The following TAMM41 variants were observed in gnomAD, a reference collection of about 807,000 sequenced individuals.
TAMM41 encodes TAM41 mitochondrial translocator assembly and maintenance homolog, also known as phosphatidate cytidylyltransferase, mitochondrial.
In TAMM41, 36 loss-of-function variants were observed where a neutral mutation model predicts 44.1. That is an observed-to-expected ratio of 0.82 (90% CI 0.63 to 1.08). The LOEUF (loss-of-function observed/expected upper bound fraction) is 1.08. Ranked by LOEUF, TAMM41 falls within the 50% of genes least tolerant of loss-of-function variation. The pLI, the probability that TAMM41 is intolerant of heterozygous loss-of-function variation, is 0.00. For synonymous variants in TAMM41, 164 were observed against 153.1 expected (o/e 1.07, Z -0.53); for missense variants, 417 against 404.3 (o/e 1.03, Z -0.27).
At chr3:11,809,081 G>A in intron 6 of TAMM41, 1 of 230,868 alleles carries the variant, frequency 4.3e-6, no homozygotes, top group Non-Finnish European at 8.3e-6. Context: ...TGGAACGTGG[G>A]CCATGTCTGA....
chr3:11,825,956 T>C (rs1044559473), intron 4 of TAMM41, among the ~76,000 whole-genome samples: 1 of 152,184 alleles, frequency 6.6e-6, no homozygotes, highest in Non-Finnish European at 1.5e-5. Context: ...ACAAGTTTTA[T>C]AATTTTTATA....
the TAMM41 span, among the ~76,000 whole-genome samples, chr3:11,722,366 TG>T: frequency 2.0e-5 from 3 of 147,912 alleles, no homozygotes; most frequent in East Asian, 6.0e-4. Context: ...CTCAAGTTAC[TG>T]TAAGAAAAAG....
the TAMM41 span, among the ~76,000 whole-genome samples, chr3:11,751,506 C>G: frequency 1.2e-3 from 188 of 152,330 alleles, 1 homozygote; most frequent in African/African-American, 4.4e-3. Context: ...TGTGTCCAGT[C>G]AGAGCCTGCC....
chr3:11,789,087 T>TGA (rs2124904954), downstream of TAMM41, among the ~76,000 whole-genome samples: 2 of 152,280 alleles, frequency 1.3e-5, no homozygotes, highest in East Asian at 3.9e-4. Flanking sequence ...TCTACAGGGG[T>TGA]GAGTGCACAG....
At position 11,809,574 on chromosome 3, in the gene TAMM41, C is replaced by T. The variant is rs781114952; in HGVS notation, c.817G>A (p.Glu273Lys). Residue 273 changes from glutamate (E) to lysine (K), a missense_variant, in exon 6 of 8, where the codon GAA (glutamate) becomes AAA (lysine). By Grantham distance (56) the Glu-to-Lys change is moderately conservative. Coordinates refer to ENST00000455809, the MANE Select transcript of TAMM41 (RefSeq NM_001284401.2). ...MDPPGKNRDV[E>K]ETLFQVAHDP... ...TGAGCCACTTGGAATAAAGTTTCTT[C>T]CACATCTCTGTTTTTTCCAGGAGGG... The T allele has an allele frequency of 1.3e-5, 21 of 1,614,126 alleles. No homozygotes were observed. The highest frequency in any genetic ancestry group is 1.7e-5 in the Non-Finnish European group (20 of 1,180,022).
chr3:11,830,221 C>A (rs2078927280), intron 3 of TAMM41, among the ~76,000 whole-genome samples: 1 of 152,186 alleles, frequency 6.6e-6, no homozygotes, highest in Admixed American at 6.5e-5. Context: ...TCGACAGAGG[C>A]ATTTTACCTC....
At chr3:11,777,034 G>A in the TAMM41 span, among the ~76,000 whole-genome samples, 1 of 152,196 alleles carries the variant, frequency 6.6e-6, no homozygotes, top group African/African-American at 2.4e-5. Flanking sequence ...CAAACATTCA[G>A]TTCTGGGGAT....
the TAMM41 span, among the ~76,000 whole-genome samples, chr3:11,758,760 G>C: frequency 6.6e-6 from 1 of 150,966 alleles, no homozygotes; most frequent in Admixed American, 6.6e-5. Context: ...TGCAACCCCC[G>C]CCTCCCAGGT....
At chr3:11,775,742 G>A in the TAMM41 span, among the ~76,000 whole-genome samples, 4 of 152,194 alleles carry the variant, frequency 2.6e-5, no homozygotes, top group Admixed American at 6.5e-5. Context: ...TCAAGAAAAC[G>A]TGGGGTGTGT....
At chr3:11,821,083 T>C (rs2078500978) in intron 4 of TAMM41, among the ~76,000 whole-genome samples, 1 of 152,176 alleles carries the variant, frequency 6.6e-6, no homozygotes, top group Non-Finnish European at 1.5e-5. Flanking sequence ...CCTTACAAAG[T>C]TGCTTTCAGA....
chr3:11,813,854 G>A (rs555951204), intron 5 of TAMM41, among the ~76,000 whole-genome samples: 2 of 144,680 alleles, frequency 1.4e-5, no homozygotes, highest in Non-Finnish European at 3.0e-5. Context: ...GTGTGTGTGT[G>A]TGTATGTATG....
the TAMM41 span, among the ~76,000 whole-genome samples, chr3:11,750,987 G>A: frequency 2.0e-5 from 3 of 151,744 alleles, no homozygotes; most frequent in Non-Finnish European, 4.4e-5. Flanking sequence ...ATAAGACATC[G>A]TCCAGGGAGC....
intron 4 of TAMM41, among the ~76,000 whole-genome samples, chr3:11,829,062 G>A (rs941333201): frequency 2.0e-4 from 30 of 152,002 alleles, no homozygotes; most frequent in African/African-American, 6.5e-4. Context: ...AGTGGCCAGG[G>A]GCTCTACCCT....
At chr3:11,770,631 G>T in the TAMM41 span, among the ~76,000 whole-genome samples, 1 of 152,166 alleles carries the variant, frequency 6.6e-6, no homozygotes, top group South Asian at 2.1e-4. Context: ...TTGGCTGCTG[G>T]TGACATAATA....
At chr3:11,778,563 G>T in the TAMM41 span, among the ~76,000 whole-genome samples, 2 of 152,276 alleles carry the variant, frequency 1.3e-5, no homozygotes, top group African/African-American at 4.8e-5. Context: ...AGCAGCCCAT[G>T]AGGGCTCCAC....
At chr3:11,764,422 C>G in the TAMM41 span, among the ~76,000 whole-genome samples, 1 of 151,490 alleles carries the variant, frequency 6.6e-6, no homozygotes, top group Middle Eastern at 3.4e-3. Context: ...ACCTTTATCC[C>G]GAAGGCCACA....
Position 11,801,829 on chromosome 3 carries a change from A to G in TAMM41, c.937+6004T>C, listed in dbSNP as rs73132976. ...AACGAAAACTATAACAAGAAAAAAA[A>G]TAACTAAACTCAAAGTTAGCAGAAG... On this transcript the variant is annotated intron_variant, in intron 7 of 7. Coordinates refer to ENST00000455809, the MANE Select transcript of TAMM41 (RefSeq NM_001284401.2). Among the ~76,000 whole-genome samples, 949 of 152,306 alleles carry G rather than the reference A, an allele frequency of 6.2e-3. 7 individuals carry two copies. Among genetic ancestry groups the G allele is most frequent in the Middle Eastern group, 0.034 (10 of 294 alleles).
At chr3:11,846,020 A>C (rs116319184) in intron 1 of TAMM41, among the ~76,000 whole-genome samples, 11,028 of 152,252 alleles carry the variant, frequency 0.072, 518 homozygotes, top group Middle Eastern at 0.13. Context: ...TTTCTCCTAC[A>C]TTTATAGAGG....
chr3:11,839,270 A>C lies in TAMM41; in HGVS notation c.363T>G (p.Asp121Glu). 6.2e-7 allele frequency: 1 copy of C among 1,613,844 alleles called. No homozygotes were observed. The highest frequency in any genetic ancestry group is 8.5e-7 in the Non-Finnish European group (1 of 1,179,856). The change falls in exon 3 of 8, where the codon GAT becomes GAG. Residue 121 changes from aspartate (D) to glutamate (E), a missense_variant. Physicochemically the swap from Asp to Glu is conservative, Grantham distance 45 (BLOSUM62 2). Coordinates refer to ENST00000455809, the MANE Select transcript of TAMM41 (RefSeq NM_001284401.2). ...TGTATAAGTTATTCCAGTTGAGGAGATCTTCAATCAGAACGTTAGTGCTAA... is the reference window on the plus strand; with the variant it reads ...TGTATAAGTTATTCCAGTTGAGGAGCTCTTCAATCAGAACGTTAGTGCTAA... Reference protein sequence around the residue: ...GVISTNVLIEDLLNWNNLYIA... With the variant: ...GVISTNVLIEELLNWNNLYIA...
Sources: allele counts gnomAD v4.1 joint callset (sites outside exome capture counted in the v4.1 genomes callset), GRCh38; gene constraint gnomAD v4.1.1; transcripts MANE v1.5; gene names NCBI Gene and HGNC (gene_info 2026-07-23, HGNC 2026-07-21).